Variants in IL1RAPL2 observed in about 807,000 individuals in gnomAD.
The protein encoded by IL1RAPL2 is X-linked interleukin-1 receptor accessory protein-like 2.
Under a neutral mutation model 44.1 loss-of-function variants are expected in IL1RAPL2, and 3 were observed. That is an observed-to-expected ratio of 0.07 (90% CI 0.03 to 0.18). IL1RAPL2 has a LOEUF of 0.18. Ranked by LOEUF, IL1RAPL2 falls within the 10% of genes least tolerant of loss-of-function variation. The probability of loss-of-function intolerance (pLI) is 1.00; values close to 1 mark genes in which losing one functional copy is unlikely to be tolerated. For missense variants in IL1RAPL2, 391 were observed against 496.4 expected (o/e 0.79, Z 2.02); for synonymous variants, 181 against 178.8 (o/e 1.01, Z -0.10).
At chrX:104,673,290 G>A (rs1930659143) in intron 2 of IL1RAPL2, among the ~76,000 whole-genome samples, 1 of 111,200 alleles carries the variant, frequency 9.0e-6, no homozygotes, top group African/African-American at 3.3e-5. Context: ...TGTAATGAAG[G>A]GATCCAGTTT....
chrX:105,574,151 C>T (rs192776500), intron 6 of IL1RAPL2, among the ~76,000 whole-genome samples: 5 of 111,877 alleles, frequency 4.5e-5, no homozygotes, highest in Admixed American at 9.5e-5. Context: ...GATTATTCAT[C>T]GGGTTTGTAA....
At chrX:105,143,717 A>G (rs116195016) in intron 2 of IL1RAPL2, among the ~76,000 whole-genome samples, 8,963 of 111,409 alleles carry the variant, frequency 0.08, 887 homozygotes, top group African/African-American at 0.28. Flanking sequence ...GGCCTTCTCT[A>G]TTTTCTCACA....
chrX:105,073,719 A>T (rs2032244835), intron 2 of IL1RAPL2, among the ~76,000 whole-genome samples: 1 of 111,614 alleles, frequency 9.0e-6, no homozygotes, highest in East Asian at 2.8e-4. Context: ...GTTTCCTGAC[A>T]TTTTAATGAT....
At chrX:104,899,948 T>A (rs772234317) in intron 2 of IL1RAPL2, among the ~76,000 whole-genome samples, 1 of 112,488 alleles carries the variant, frequency 8.9e-6, no homozygotes, top group East Asian at 2.8e-4. Flanking sequence ...ATGAGAAGTG[T>A]GAGAAAGCCC....
chrX:105,240,914 C>G (rs1418997916), intron 4 of IL1RAPL2, among the ~76,000 whole-genome samples: 1 of 111,154 alleles, frequency 9.0e-6, no homozygotes, highest in Non-Finnish European at 1.9e-5. Flanking sequence ...CTTTTGAGGT[C>G]AGGAGTTTTA....
intron 6 of IL1RAPL2, among the ~76,000 whole-genome samples, chrX:105,630,410 C>T (rs1015659005): frequency 2.7e-5 from 3 of 110,577 alleles, no homozygotes; most frequent in African/African-American, 9.9e-5. Context: ...AGTGAGGCTC[C>T]AACATGGCAA....
intron 2 of IL1RAPL2, among the ~76,000 whole-genome samples, chrX:104,711,283 G>A (rs978593979): frequency 2.1e-4 from 23 of 111,293 alleles, no homozygotes; most frequent in African/African-American, 7.2e-4. Context: ...CATGTTCTGA[G>A]ATATACACAC....
intron 2 of IL1RAPL2, among the ~76,000 whole-genome samples, chrX:104,742,274 C>T (rs1021945840): frequency 1.9e-4 from 21 of 111,708 alleles, no homozygotes; most frequent in African/African-American, 6.8e-4. Context: ...CCTGTTTCCT[C>T]AGGGCTTTCA....
intron 2 of IL1RAPL2, among the ~76,000 whole-genome samples, chrX:105,084,131 G>C (rs1324805365): frequency 8.9e-6 from 1 of 112,430 alleles, no homozygotes; most frequent in Non-Finnish European, 1.9e-5. Context: ...CAGGGGAAGA[G>C]CTCTCATGGA....
chrX:105,299,215 T>G (rs1164405135), intron 5 of IL1RAPL2, among the ~76,000 whole-genome samples: 1 of 111,935 alleles, frequency 8.9e-6, no homozygotes, highest in Non-Finnish European at 1.9e-5. Context: ...ATGTAGACAT[T>G]TTGATGAGTT....
At chrX:104,584,386 C>G (rs1332316448) in intron 1 of IL1RAPL2, among the ~76,000 whole-genome samples, 2 of 110,828 alleles carry the variant, frequency 1.8e-5, no homozygotes, top group African/African-American at 6.6e-5. Context: ...CTGGTGAATA[C>G]ATGCCTCCCT....
intron 5 of IL1RAPL2, among the ~76,000 whole-genome samples, chrX:105,282,843 C>G (rs1275935757): frequency 1.8e-5 from 2 of 111,327 alleles, no homozygotes. Context: ...TAAACTGTAG[C>G]ATAATAGTTG....
intron 2 of IL1RAPL2, among the ~76,000 whole-genome samples, chrX:104,910,330 G>A (rs1010524769): frequency 8.9e-6 from 1 of 112,200 alleles, no homozygotes; most frequent in African/African-American, 3.2e-5. Flanking sequence ...TGCTCGTGCT[G>A]GGAACTGTAG....
intron 5 of IL1RAPL2, among the ~76,000 whole-genome samples, chrX:105,439,777 A>G (rs2147754822): frequency 8.9e-6 from 1 of 112,241 alleles, no homozygotes; most frequent in African/African-American, 3.2e-5. Context: ...GAAAATATCA[A>G]TGAGAATGGG....
chrX:105,364,075 T>C (rs2035274317), intron 5 of IL1RAPL2, among the ~76,000 whole-genome samples: 1 of 111,694 alleles, frequency 9.0e-6, no homozygotes, highest in African/African-American at 3.2e-5. Flanking sequence ...AAGTCTTTTA[T>C]CCATTTTGAT....
chrX:105,351,294 G>A (rs2035152356), intron 5 of IL1RAPL2, among the ~76,000 whole-genome samples: 1 of 111,071 alleles, frequency 9.0e-6, no homozygotes, highest in Non-Finnish European at 1.9e-5. Flanking sequence ...TATATCCAAA[G>A]GAATATAAAT....
chrX:105,639,586 C>A (rs983651168), intron 6 of IL1RAPL2, among the ~76,000 whole-genome samples: 1 of 111,014 alleles, frequency 9.0e-6, no homozygotes, highest in Non-Finnish European at 1.9e-5. Context: ...AAATGATGAA[C>A]CCTTGTAGAA....
chrX:105,482,253 A>G (rs2036237754), intron 5 of IL1RAPL2, among the ~76,000 whole-genome samples: 1 of 112,084 alleles, frequency 8.9e-6, no homozygotes, highest in African/African-American at 3.2e-5. Flanking sequence ...CTACAACAAA[A>G]TTGAACATCT....
At chrX:105,260,016 C>A (rs1021784284) in intron 4 of IL1RAPL2, among the ~76,000 whole-genome samples, 4 of 112,393 alleles carry the variant, frequency 3.6e-5, no homozygotes, top group Admixed American at 9.3e-5. Flanking sequence ...CCTCTCCCTC[C>A]GGGAGCTTCA....
Sources: gnomAD v4.1 joint callset for allele counts (sites outside exome capture counted in the v4.1 genomes callset) on GRCh38, gnomAD v4.1.1 for gene constraint, MANE v1.5 for transcripts, NCBI Gene and HGNC (gene_info 2026-07-23, HGNC 2026-07-21) for gene names.